FAF1: variants seen among roughly 807,000 people sequenced by gnomAD.
FAF1 encodes the protein Fas associated factor 1, also known as FAS-associated factor 1.
In FAF1, 25 loss-of-function variants were observed where a neutral mutation model predicts 92.5. The ratio of observed to expected loss-of-function variants is 0.27; its 90% CI spans 0.20 to 0.38. The LOEUF (loss-of-function observed/expected upper bound fraction) is 0.38, where lower values mean the gene tolerates loss of function less well. Ranked by LOEUF, FAF1 falls within the 10% of genes least tolerant of loss-of-function variation. The pLI is 1.00. For synonymous variants in FAF1, 234 were observed against 273.2 expected (o/e 0.86, Z 1.42); for missense variants, 636 against 793.3 (o/e 0.80, Z 2.38).
At chr1:50,720,506 G>A (rs920306394) in intron 6 of FAF1, among the ~76,000 whole-genome samples, 19 of 151,944 alleles carry the variant, frequency 1.3e-4, no homozygotes, top group East Asian at 1.9e-4. Flanking sequence ...ATACTTTTAC[G>A]GATAAATATT....
chr1:50,729,058 A>ATATATATATATT (rs1375923156), intron 6 of FAF1, among the ~76,000 whole-genome samples: 16 of 70,108 alleles, frequency 2.3e-4, no homozygotes, highest in African/African-American at 9.4e-4. Flanking sequence ...ATATATATAT[A>ATATATATATATT]TTTTTTTTTT....
chr1:50,723,302 G>A (rs888633372), intron 6 of FAF1, among the ~76,000 whole-genome samples: 3 of 151,872 alleles, frequency 2.0e-5, no homozygotes, highest in Admixed American at 1.3e-4. Context: ...TCAGGAGGCT[G>A]ATGCAGGAGA....
chr1:50,826,043 T>G (rs546541816), intron 2 of FAF1, among the ~76,000 whole-genome samples: 1 of 152,268 alleles, frequency 6.6e-6, no homozygotes, highest in East Asian at 1.9e-4. Context: ...ATGTATAGCC[T>G]TAATGATACA....
chr1:50,752,922 G>T (rs1221760540), intron 4 of FAF1, among the ~76,000 whole-genome samples: 1 of 152,072 alleles, frequency 6.6e-6, no homozygotes, highest in East Asian at 1.9e-4. Flanking sequence ...GACCTGAAGT[G>T]TTCCACCTGC....
At chr1:50,779,712 T>TA (rs1221378727) in intron 4 of FAF1, among the ~76,000 whole-genome samples, 2 of 152,072 alleles carry the variant, frequency 1.3e-5, no homozygotes, top group South Asian at 4.1e-4. Flanking sequence ...TGACTGAAGT[T>TA]AGATTGTTAC....
intron 12 of FAF1, among the ~76,000 whole-genome samples, chr1:50,579,320 G>A (rs1427992982): frequency 1.3e-5 from 2 of 152,052 alleles, no homozygotes; most frequent in Non-Finnish European, 2.9e-5. Context: ...CAGAAGCTTT[G>A]GAAATGGGCT....
intron 1 of FAF1, among the ~76,000 whole-genome samples, chr1:50,879,182 C>G (rs1336374136): frequency 6.6e-6 from 1 of 152,100 alleles, no homozygotes; most frequent in Non-Finnish European, 1.5e-5. Flanking sequence ...GAGGCGGAGT[C>G]TACAGTGAGA....
chr1:50,806,807 C>G (rs752370601), intron 2 of FAF1, among the ~76,000 whole-genome samples: 17 of 152,186 alleles, frequency 1.1e-4, no homozygotes, highest in Non-Finnish European at 2.4e-4. Flanking sequence ...GAAGTGACTT[C>G]ACTGAACTCA....
At chr1:50,958,690 A>T (rs879480244) in intron 1 of FAF1, among the ~76,000 whole-genome samples, 7 of 151,860 alleles carry the variant, frequency 4.6e-5, no homozygotes, top group South Asian at 4.1e-4. Context: ...AAAAAAAAAA[A>T]AATTAATTAA....
intron 15 of FAF1, among the ~76,000 whole-genome samples, chr1:50,534,882 AC>A (rs1648389179): frequency 6.6e-6 from 1 of 152,234 alleles, no homozygotes; most frequent in Admixed American, 6.5e-5. Context: ...TTGAGAAAAC[AC>A]CTGAATATGT....
At position 50,554,390 on chromosome 1, in the gene FAF1, T is replaced by TATATATAGAGAGAGAGAGAGAG; in HGVS notation, c.1268+12686_1268+12687insCTCTCTCTCTCTCTCTATATAT. ...ATATATATATATATATATATATATA[T>TATATATAGAGAGAGAGAGAGAG]AGAGAGAGAGAGAGAGAGAGAGAGA... On this transcript the variant is annotated intron_variant, in intron 13 of 18. Transcript: ENST00000396153. Among the ~76,000 whole-genome samples, 119 of 93,658 alleles carry TATATATAGAGAGAGAGAGAGAG rather than the reference T, an allele frequency of 1.3e-3. 2 individuals carry two copies. Among genetic ancestry groups the TATATATAGAGAGAGAGAGAGAG allele is most frequent in the African/African-American group, 5.3e-3 (111 of 21,114 alleles). The allele number at this position is 93,658 out of a possible 152,430, so 61.4% of individuals were successfully genotyped here. A position where few individuals can be genotyped will look rare whatever the true frequency, so the allele number is the denominator to read the frequency against.
chr1:50,857,493 T>C (rs1274229592), intron 2 of FAF1, among the ~76,000 whole-genome samples: 1 of 151,784 alleles, frequency 6.6e-6, no homozygotes, highest in East Asian at 1.9e-4. Flanking sequence ...GCCACCTCTA[T>C]AATATACTGC....
intron 2 of FAF1, among the ~76,000 whole-genome samples, chr1:50,809,601 T>C (rs1004625960): frequency 6.6e-6 from 1 of 152,082 alleles, no homozygotes; most frequent in African/African-American, 2.4e-5. Flanking sequence ...CAATAATAAA[T>C]TATGAAATTG....
At chr1:50,695,112 C>A (rs190456156) in intron 7 of FAF1, among the ~76,000 whole-genome samples, 115 of 152,070 alleles carry the variant, frequency 7.6e-4, no homozygotes, top group African/African-American at 2.5e-3. Context: ...TTCCTAAATA[C>A]TTTAAAGATT....
Position 50,788,028 on chromosome 1 carries a change from A to C in FAF1, c.339T>G (p.Asp113Glu). The C allele has an allele frequency of 6.2e-7, 1 of 1,614,152 alleles. No individual in the cohort carries two copies. Among genetic ancestry groups the C allele is most frequent in the Non-Finnish European group, 8.5e-7 (1 of 1,180,018 alleles). ...CAGTACAGGTGTCTTCAAGTACCAC[A>C]TCAACATTTCTGTCTCTGTATTCAA... ...FRVEYRDRNV[D>E]VVLEDTCTVG... Residue 113 changes from aspartate to glutamate, a missense_variant, in exon 4 of 19, where the codon GAT (aspartate) becomes GAG (glutamate). Physicochemically the swap from Asp to Glu is conservative, Grantham distance 45. Around this residue, in one of 2 missense-constraint regions of FAF1, gnomAD observed 317 missense variants for 342.4 expected, o/e 0.93. Transcript: ENST00000396153.
intron 13 of FAF1, among the ~76,000 whole-genome samples, chr1:50,552,615 C>T (rs1649366098): frequency 6.6e-6 from 1 of 152,012 alleles, no homozygotes; most frequent in South Asian, 2.1e-4. Flanking sequence ...TATGAAAGTG[C>T]TATGAAAAAG....
At chr1:50,897,442 G>A (rs1270259741) in intron 1 of FAF1, among the ~76,000 whole-genome samples, 1 of 152,112 alleles carries the variant, frequency 6.6e-6, no homozygotes, top group Non-Finnish European at 1.5e-5. Context: ...AAAAATAAAT[G>A]AATTTTTTAA....
chr1:50,643,820 A>G (rs1008121607), intron 8 of FAF1, among the ~76,000 whole-genome samples: 1 of 152,032 alleles, frequency 6.6e-6, no homozygotes, highest in Non-Finnish European at 1.5e-5. Flanking sequence ...CTCAAACTCC[A>G]GAGCTCAAGT....
At chr1:50,630,862 T>C (rs1358397982) in intron 8 of FAF1, among the ~76,000 whole-genome samples, 3 of 131,686 alleles carry the variant, frequency 2.3e-5, no homozygotes, top group Non-Finnish European at 4.7e-5. Context: ...AGAGTCTCAC[T>C]CTGTCGCCCA....
Sources: gnomAD v4.1 joint callset for allele counts (sites outside exome capture counted in the v4.1 genomes callset) on GRCh38, gnomAD v4.1.1 for gene constraint, gnomAD v4.1.1 regional missense constraint, MANE v1.5 for transcripts, NCBI Gene and HGNC (gene_info 2026-07-23, HGNC 2026-07-21) for gene names.